Variants in PRKAG2 observed in about 807,000 individuals in gnomAD.
PRKAG2 encodes the protein 5'-AMP-activated protein kinase subunit gamma-2.
Under a neutral mutation model 69.6 loss-of-function variants are expected in PRKAG2, and 26 were observed. That is an observed-to-expected ratio of 0.37 (90% CI 0.27 to 0.52). The LOEUF (loss-of-function observed/expected upper bound fraction) is 0.52, where lower values mean the gene tolerates loss of function less well. Among genes scored for constraint, PRKAG2 ranks in the 20% least tolerant of loss-of-function variants. The probability of loss-of-function intolerance (pLI) is 0.90; values close to 1 mark genes in which losing one functional copy is unlikely to be tolerated. For synonymous variants in PRKAG2, 293 were observed against 285.0 expected, an observed-to-expected ratio of 1.03 and a Z score of -0.28; for missense variants, 557 against 740.0, an observed-to-expected ratio of 0.75 and a Z score of 2.87.
At chr7:151,563,741 A>G (rs1563140182) in intron 14 of PRKAG2, among the ~76,000 whole-genome samples, 1 of 152,176 alleles carries the variant, frequency 6.6e-6, no homozygotes, top group Non-Finnish European at 1.5e-5. Context: ...CACCATGCCC[A>G]GCTAATTTAT....
intron 3 of PRKAG2, among the ~76,000 whole-genome samples, chr7:151,763,913 G>A (rs201148138): frequency 6.6e-5 from 10 of 152,338 alleles, no homozygotes; most frequent in South Asian, 4.1e-4. Context: ...CCGGAAACCC[G>A]CAAGCTCTGG....
At chr7:151,709,780 C>T (rs955140941) in intron 3 of PRKAG2, among the ~76,000 whole-genome samples, 3 of 152,124 alleles carry the variant, frequency 2.0e-5, no homozygotes, top group South Asian at 4.2e-4. Context: ...CACTGTGACA[C>T]GGAGTGATGT....
At chr7:151,763,784 G>T (rs774913429) in intron 3 of PRKAG2, among the ~76,000 whole-genome samples, 1 of 152,228 alleles carries the variant, frequency 6.6e-6, no homozygotes, top group Non-Finnish European at 1.5e-5. Context: ...CAGATGCCGT[G>T]CCTGGTCTGG....
chr7:151,675,381 C>T (rs1832750008), intron 4 of PRKAG2, 39 bp downstream of exon 4: 2 of 1,586,948 alleles, frequency 1.3e-6, no homozygotes, highest in Non-Finnish European at 8.6e-7. Context: ...CCTCCCTCTG[C>T]CACCCGGCAG....
chr7:151,665,208 C>A (rs573838901), intron 4 of PRKAG2, among the ~76,000 whole-genome samples: 1 of 152,180 alleles, frequency 6.6e-6, no homozygotes, highest in East Asian at 1.9e-4. Context: ...GTGCTCAGTG[C>A]CTAGGACAGT....
At position 151,632,273 on chromosome 7, in the gene PRKAG2, G is replaced by C; in HGVS notation, c.685-135C>G. The C allele has an allele frequency of 9.8e-7, 1 of 1,015,482 alleles. No individual in the cohort carries two copies. The highest frequency in any genetic ancestry group is 1.2e-6 in the Non-Finnish European group (1 of 848,800). The allele number at this position is 1,015,482 out of a possible 1,614,324, so 62.9% of individuals were successfully genotyped here. A position where few individuals can be genotyped will look rare whatever the true frequency, so the allele number is the denominator to read the frequency against. On this transcript the variant is annotated intron_variant, in intron 4 of 15. Transcript: ENST00000287878. This position sits in a 1 kb window ranked among gnomAD's most constrained non-coding sequence, Gnocchi z 4.2. ...AGGAGGGGCCTGGCAGGGGACGCGG[G>C]CAGCGGGGGCCGGGGGCGGAGCGGG...
chr7:151,577,642 A>G (rs1809299766), intron 6 of PRKAG2, among the ~76,000 whole-genome samples: 3 of 152,192 alleles, frequency 2.0e-5, no homozygotes, highest in Admixed American at 2.0e-4. Flanking sequence ...TCTTTGAATT[A>G]TTTTAGGAGT....
At chr7:151,723,969 T>C (rs1002958659) in intron 3 of PRKAG2, among the ~76,000 whole-genome samples, 2 of 152,154 alleles carry the variant, frequency 1.3e-5, no homozygotes, top group Non-Finnish European at 2.9e-5. Context: ...CGGTTCCAGC[T>C]GATCTACTGT....
intron 1 of PRKAG2, among the ~76,000 whole-genome samples, chr7:151,795,327 G>A (rs904254545): frequency 5.3e-5 from 8 of 152,272 alleles, no homozygotes; most frequent in East Asian, 1.9e-4. Flanking sequence ...CCGTCTCCTC[G>A]AGGACCAGCA....
chr7:151,661,002 A>G (rs1286214916), intron 4 of PRKAG2, among the ~76,000 whole-genome samples: 1 of 152,230 alleles, frequency 6.6e-6, no homozygotes, highest in Non-Finnish European at 1.5e-5. Flanking sequence ...CAATCTCCAG[A>G]ACTTCTTCAT....
intron 3 of PRKAG2, among the ~76,000 whole-genome samples, chr7:151,712,951 G>T (rs993455721): frequency 6.6e-6 from 1 of 152,250 alleles, no homozygotes; most frequent in Non-Finnish European, 1.5e-5. Flanking sequence ...AGCAAAGACA[G>T]GATTGTCATG....
chr7:151,876,315 CAGAG>C (rs959790781), intron 1 of PRKAG2, among the ~76,000 whole-genome samples, 188 bp downstream of exon 1: 29 of 152,164 alleles, frequency 1.9e-4, no homozygotes, highest in Admixed American at 1.4e-3. Context: ...TGCACGCGGG[CAGAG>C]AGAGAGATTG....
At chr7:151,645,631 T>G (rs1827437142) in intron 4 of PRKAG2, among the ~76,000 whole-genome samples, 2 of 152,232 alleles carry the variant, frequency 1.3e-5, no homozygotes. Flanking sequence ...ACATGTACTG[T>G]GAATAGTGAA....
At chr7:151,692,867 C>T (rs1488114481) in intron 3 of PRKAG2, among the ~76,000 whole-genome samples, 1 of 152,134 alleles carries the variant, frequency 6.6e-6, no homozygotes, top group Non-Finnish European at 1.5e-5. Context: ...GAGCCACTAC[C>T]AGGGGGCGGG....
intron 6 of PRKAG2, among the ~76,000 whole-genome samples, chr7:151,593,002 CGGA>C (rs1363231198): frequency 2.0e-5 from 3 of 152,198 alleles, no homozygotes; most frequent in Admixed American, 2.0e-4. Flanking sequence ...AACGGCTTCC[CGGA>C]GATGATGCTC....
At position 151,699,264 on chromosome 7, in the gene PRKAG2, C is replaced by G. The variant is rs1837255894; in HGVS notation, c.467-23627G>C. Among the ~76,000 whole-genome samples, 1 of 152,244 alleles carries G rather than the reference C, an allele frequency of 6.6e-6. No homozygotes were observed. Among genetic ancestry groups the G allele is most frequent in the African/African-American group, 2.4e-5 (1 of 41,462 alleles). Reference sequence around the variant, plus strand: ...CCGAATGAACAATATTTCTGAAGATCTCCCACGAAGGTTGCCTCCCTCCCT... The same window carrying G: ...CCGAATGAACAATATTTCTGAAGATGTCCCACGAAGGTTGCCTCCCTCCCT... On this transcript the variant is annotated intron_variant, in intron 3 of 15. Transcript: ENST00000287878. This position sits in a 1 kb window ranked among gnomAD's most constrained non-coding sequence, Gnocchi z 4.5.
chr7:151,657,010 G>A (rs745349371), intron 4 of PRKAG2, among the ~76,000 whole-genome samples: 26 of 152,058 alleles, frequency 1.7e-4, no homozygotes, highest in African/African-American at 2.2e-4. Flanking sequence ...GGTGGCAGGC[G>A]CCTGGAATCC....
intron 4 of PRKAG2, among the ~76,000 whole-genome samples, chr7:151,639,020 C>T (rs1291975170): frequency 6.6e-6 from 1 of 152,202 alleles, no homozygotes; most frequent in African/African-American, 2.4e-5. Context: ...TGCACATGCA[C>T]TCTGCTCCCG....
intron 1 of PRKAG2, among the ~76,000 whole-genome samples, chr7:151,865,239 C>T (rs751547019): frequency 3.3e-5 from 5 of 152,178 alleles, no homozygotes; most frequent in Non-Finnish European, 7.3e-5. Flanking sequence ...GCTGGACACA[C>T]GGCCCAGTTG....
Sources: gnomAD v4.1 joint callset for allele counts (sites outside exome capture counted in the v4.1 genomes callset) on GRCh38, gnomAD v4.1.1 for gene constraint, Gnocchi (gnomAD v3.1) non-coding constraint, MANE v1.5 for transcripts, NCBI Gene and HGNC (gene_info 2026-07-23, HGNC 2026-07-21) for gene names.